The following PHKA2 variants were observed in gnomAD, a reference collection of about 807,000 sequenced individuals.
PHKA2 encodes the protein phosphorylase kinase regulatory subunit alpha 2, also known as phosphorylase b kinase regulatory subunit alpha, liver isoform.
Under a neutral mutation model 102.0 loss-of-function variants are expected in PHKA2, and 31 were observed. That is an observed-to-expected ratio of 0.30 (90% CI 0.23 to 0.41). The LOEUF (loss-of-function observed/expected upper bound fraction) is 0.41. Among genes scored for constraint, PHKA2 ranks in the 10% least tolerant of loss-of-function variants. The pLI is 1.00. For missense variants in PHKA2, 858 were observed against 1,023.1 expected, an observed-to-expected ratio of 0.84 and a Z score of 2.20; for synonymous variants, 455 against 416.2, an observed-to-expected ratio of 1.09 and a Z score of -1.13.
chrX:18,952,584 T>C (rs1262875410), intron 2 of PHKA2, 43 bp from the exon 3 acceptor site: 3 of 1,174,251 alleles, frequency 2.6e-6, no homozygotes, highest in Non-Finnish European at 3.5e-6. Flanking sequence ...CCAGGGTCCT[T>C]GCTGCAGGAA....
At chrX:18,948,461 G>A (rs1215441624) in intron 5 of PHKA2, among the ~76,000 whole-genome samples, 3 of 111,867 alleles carry the variant, frequency 2.7e-5, no homozygotes, top group African/African-American at 9.8e-5. Context: ...GTGACAGAGC[G>A]AGACTCTGTT....
At chrX:18,937,630 TG>T (rs1483793858) in intron 10 of PHKA2, among the ~76,000 whole-genome samples, 1 of 111,692 alleles carries the variant, frequency 9.0e-6, no homozygotes, top group African/African-American at 3.3e-5. Context: ...GGAGGGCACA[TG>T]GCCTGTTTAA....
intron 28 of PHKA2, among the ~76,000 whole-genome samples, chrX:18,899,659 T>C (rs146641641): frequency 5.5e-4 from 62 of 111,963 alleles, no homozygotes; most frequent in African/African-American, 1.9e-3. Context: ...TCAGTAGATA[T>C]TCATTAAATG....
intron 8 of PHKA2, among the ~76,000 whole-genome samples, 165 bp from the exon 9 acceptor site, chrX:18,940,213 T>C (rs771388925): frequency 4.5e-5 from 5 of 112,149 alleles, no homozygotes; most frequent in Non-Finnish European, 9.4e-5. Context: ...ATAAGCAAAA[T>C]CAATTCAGGT....
intron 8 of PHKA2, 50 bp from the exon 9 acceptor site, chrX:18,940,098 T>C: frequency 1.1e-6 from 1 of 908,129 alleles, no homozygotes; most frequent in Non-Finnish European, 1.6e-6. Flanking sequence ...TTTTTGCCTT[T>C]TTAATTCAAG....
chrX:18,940,656 T>C (rs1299737941), intron 8 of PHKA2, among the ~76,000 whole-genome samples: 1 of 111,811 alleles, frequency 8.9e-6, no homozygotes, highest in African/African-American at 3.3e-5. Context: ...CCTTAATCCA[T>C]AGATCACAGC....
intron 2 of PHKA2, among the ~76,000 whole-genome samples, chrX:18,953,091 T>C (rs1023277189): frequency 8.9e-6 from 1 of 112,325 alleles, no homozygotes; most frequent in South Asian, 3.7e-4. Context: ...TGAGACACCA[T>C]GTCACAGACG....
Position 18,925,649 on chromosome X carries a change from G to C in PHKA2, c.1569+19C>G, listed in dbSNP as rs768842336. On this transcript the variant is annotated intron_variant, in intron 15 of 32. Transcript: ENST00000379942. Reference sequence around the variant, plus strand: ...AAGAGAACTTAAAAAAAAGATGCTCGTTGGCCTGCTCTCCTCACCTGGGGT... The same window carrying C: ...AAGAGAACTTAAAAAAAAGATGCTCCTTGGCCTGCTCTCCTCACCTGGGGT... The C allele has an allele frequency of 2.2e-6, 2 of 925,692 alleles. No individual in the cohort carries two copies. Among genetic ancestry groups the C allele is most frequent in the Admixed American group, 4.4e-5 (2 of 45,650 alleles). The allele number at this position is 925,692 out of a possible 1,213,427, so 76.3% of individuals were successfully genotyped here.
At chrX:18,941,483 T>C (rs1260522897) in intron 8 of PHKA2, 46 bp downstream of exon 8, 2 of 1,149,184 alleles carry the variant, frequency 1.7e-6, no homozygotes, top group Non-Finnish European at 2.4e-6. Context: ...AGCTGCTCCA[T>C]GCACATCACA....
intron 1 of PHKA2, among the ~76,000 whole-genome samples, chrX:18,967,610 G>C (rs1348587207): frequency 9.3e-6 from 1 of 107,471 alleles, no homozygotes; most frequent in Non-Finnish European, 1.9e-5. Context: ...TTCAAGGTGG[G>C]GAATTTCCTT....
At chrX:18,965,348 T>C (rs1380437277) in intron 1 of PHKA2, among the ~76,000 whole-genome samples, 1 of 112,058 alleles carries the variant, frequency 8.9e-6, no homozygotes, top group African/African-American at 3.2e-5. Context: ...TGCCGATACC[T>C]GAAATATTAA....
chrX:18,934,234 T>A (rs1357640520), intron 11 of PHKA2, among the ~76,000 whole-genome samples: 1 of 112,165 alleles, frequency 8.9e-6, no homozygotes, highest in Non-Finnish European at 1.9e-5. Context: ...AATACATTTA[T>A]TTGCAGGGGA....
chrX:18,947,215 G>A (rs1374895127), intron 5 of PHKA2, among the ~76,000 whole-genome samples: 2 of 112,258 alleles, frequency 1.8e-5, no homozygotes, highest in Admixed American at 9.4e-5. Context: ...CCTAGGGCCT[G>A]TAAAGCCGAC....
chrX:18,907,104 A>G lies in PHKA2; in HGVS notation c.2518-7T>C. The G allele has an allele frequency of 8.6e-7, 1 of 1,166,744 alleles. No homozygotes were observed. The highest frequency in any genetic ancestry group is 1.2e-6 in the Non-Finnish European group (1 of 866,973). Reference sequence around the variant, plus strand: ...AAAGCAGGTCTGTGCAGGCCTGCGCAGTTAAGGGGAAGGGTGAGAGGCAGA... The same window carrying G: ...AAAGCAGGTCTGTGCAGGCCTGCGCGGTTAAGGGGAAGGGTGAGAGGCAGA... On this transcript the variant is annotated splice_region_variant and splice_polypyrimidine_tract_variant and intron_variant, in intron 22 of 32. Transcript: ENST00000379942.
intron 1 of PHKA2, among the ~76,000 whole-genome samples, chrX:18,983,438 G>A (rs565054135): frequency 8.9e-6 from 1 of 112,311 alleles, no homozygotes; most frequent in African/African-American, 3.2e-5. Context: ...TGGGAGGGAC[G>A]GTAGCTGTCG....
Position 18,900,285 on chromosome X carries a change from G to C in PHKA2, c.3057+385C>G, listed in dbSNP as rs190275364. ...GCACCCTTACATGTTTTTCCTTCCA[G>C]GGTTAAGTCCCCCCAGGCGATCTGA... On this transcript the variant is annotated intron_variant, in intron 28 of 32. Coordinates refer to ENST00000379942, the MANE Select transcript of PHKA2 (RefSeq NM_000292.3). Among the ~76,000 whole-genome samples, 835 of 111,222 alleles carry C rather than the reference G, an allele frequency of 7.5e-3. 6 individuals are homozygous for C. Among genetic ancestry groups the C allele is most frequent in the Middle Eastern group, 0.014 (3 of 217 alleles).
chrX:18,960,215 G>A (rs1161586748), intron 1 of PHKA2, among the ~76,000 whole-genome samples: 1 of 111,817 alleles, frequency 8.9e-6, no homozygotes, highest in Non-Finnish European at 1.9e-5. Flanking sequence ...TTTGCTTCTT[G>A]TCCATGCCTT....
At chrX:18,979,799 A>C (rs1224003583) in intron 1 of PHKA2, among the ~76,000 whole-genome samples, 1 of 110,665 alleles carries the variant, frequency 9.0e-6, no homozygotes, top group Non-Finnish European at 1.9e-5. Context: ...TTAATAATTA[A>C]TAATTAATAT....
intron 5 of PHKA2, among the ~76,000 whole-genome samples, chrX:18,946,948 A>G (rs1405118837): frequency 9.1e-6 from 1 of 109,307 alleles, no homozygotes; most frequent in Non-Finnish European, 1.9e-5. Flanking sequence ...TGCCACGAAC[A>G]CCTACTGACC....
Sources: allele counts gnomAD v4.1 joint callset (sites outside exome capture counted in the v4.1 genomes callset), GRCh38; gene constraint gnomAD v4.1.1; transcripts MANE v1.5; gene names NCBI Gene and HGNC (gene_info 2026-07-23, HGNC 2026-07-21).